ROBO2: variants seen among roughly 807,000 people sequenced by gnomAD.
The protein encoded by ROBO2 is roundabout guidance receptor 2.
A neutral mutation model predicts 160.8 loss-of-function variants in ROBO2; 53 were observed. The ratio of observed to expected loss-of-function variants is 0.33; its 90% CI spans 0.26 to 0.41. The LOEUF is 0.41. Ranked by LOEUF, ROBO2 falls within the 10% of genes least tolerant of loss-of-function variation. The pLI is 1.00. For missense variants in ROBO2, 1,577 were observed against 1,722.4 expected, an observed-to-expected ratio of 0.92 and a Z score of 1.49; for synonymous variants, 664 against 611.7, an observed-to-expected ratio of 1.09 and a Z score of -1.26.
intron 2 of ROBO2, among the ~76,000 whole-genome samples, chr3:76,000,529 C>G (rs1315937431): frequency 6.6e-6 from 1 of 150,878 alleles, no homozygotes; most frequent in East Asian, 2.0e-4. Flanking sequence ...CACTCTGTCC[C>G]CCAGGCTGGA....
intron 2 of ROBO2, among the ~76,000 whole-genome samples, chr3:76,752,489 A>G (rs1576423937): frequency 6.6e-6 from 1 of 151,996 alleles, no homozygotes; most frequent in East Asian, 1.9e-4. Context: ...CATGGCCAAG[A>G]CAGTCCTTTG....
chr3:76,936,401 T>A (rs933955048), intron 2 of ROBO2, among the ~76,000 whole-genome samples: 16 of 152,160 alleles, frequency 1.1e-4, no homozygotes, highest in Admixed American at 9.2e-4. Context: ...CTTTGAAAGA[T>A]GTTAATTCCA....
intron 2 of ROBO2, among the ~76,000 whole-genome samples, chr3:76,280,381 C>T (rs549717251): frequency 6.1e-4 from 93 of 152,066 alleles, no homozygotes; most frequent in African/African-American, 2.2e-3. Context: ...GTGGCCTTCT[C>T]AGAAGAGGAA....
At chr3:77,241,509 A>G (rs750290960) in intron 2 of ROBO2, among the ~76,000 whole-genome samples, 6 of 152,208 alleles carry the variant, frequency 3.9e-5, no homozygotes, top group Non-Finnish European at 5.9e-5. Flanking sequence ...TGATAACACT[A>G]TTGTCAATAA....
intron 2 of ROBO2, among the ~76,000 whole-genome samples, chr3:76,959,049 A>G (rs992639972): frequency 1.3e-5 from 2 of 152,166 alleles, no homozygotes; most frequent in Non-Finnish European, 2.9e-5. Flanking sequence ...GTTAGAACAC[A>G]ACATTTTTCA....
At chr3:75,930,230 C>G (rs982235043) in intron 1 of ROBO2, among the ~76,000 whole-genome samples, 4 of 152,036 alleles carry the variant, frequency 2.6e-5, no homozygotes, top group African/African-American at 9.7e-5. Context: ...AATATTCTGC[C>G]TCCTGGACAT....
Position 76,396,889 on chromosome 3 carries a change from C to T in ROBO2, c.109+459287C>T, listed in dbSNP as rs914673037. Among the ~76,000 whole-genome samples the T allele has an allele frequency of 3.9e-5, 6 of 152,212 alleles. No individual in the cohort carries two copies. The South Asian group carries it at 1.0e-3, about 26-fold the overall frequency. ...GGAAGAATCAATATTGTGGAAATGG[C>T]CATACTGCCCAAGGTAATTTATAGG... On this transcript the variant is annotated intron_variant, in intron 2 of 26. Coordinates refer to the ROBO2 transcript ENST00000487694.
chr3:76,420,760 G>C (rs1211901126), intron 2 of ROBO2, among the ~76,000 whole-genome samples: 1 of 152,072 alleles, frequency 6.6e-6, no homozygotes, highest in Non-Finnish European at 1.5e-5. Flanking sequence ...TTTCTCTCCA[G>C]TGGAATTTTA....
intron 2 of ROBO2, among the ~76,000 whole-genome samples, chr3:76,312,412 C>T (rs1297489989): frequency 6.6e-6 from 1 of 152,100 alleles, no homozygotes; most frequent in East Asian, 1.9e-4. Context: ...ACCCAAGCCC[C>T]ATCAGTCTGA....
chr3:76,291,142 G>A (rs1708782907), intron 2 of ROBO2, among the ~76,000 whole-genome samples: 2 of 152,068 alleles, frequency 1.3e-5, no homozygotes, highest in South Asian at 4.1e-4. Flanking sequence ...TATACAATGG[G>A]TAGAATCTGG....
chr3:76,188,523 T>G (rs1701865757), intron 2 of ROBO2, among the ~76,000 whole-genome samples: 1 of 152,044 alleles, frequency 6.6e-6, no homozygotes, highest in African/African-American at 2.4e-5. Context: ...ATGATGCTGC[T>G]GACACCTTGA....
At chr3:77,177,207 C>T (rs1368288120) in intron 2 of ROBO2, among the ~76,000 whole-genome samples, 1 of 151,948 alleles carries the variant, frequency 6.6e-6, no homozygotes, top group Admixed American at 6.6e-5. Context: ...AACAAAATTT[C>T]AAGTCCAAAA....
At chr3:77,199,272 T>C (rs62251822) in intron 2 of ROBO2, among the ~76,000 whole-genome samples, 5,827 of 152,324 alleles carry the variant, frequency 0.038, 148 homozygotes, top group African/African-American at 0.064. Flanking sequence ...CTTGGAGTTT[T>C]TATCTAACAA....
intron 2 of ROBO2, among the ~76,000 whole-genome samples, chr3:77,257,236 C>T (rs2058476744): frequency 6.6e-6 from 1 of 152,148 alleles, no homozygotes; most frequent in Non-Finnish European, 1.5e-5. Flanking sequence ...CAAAGCAAGC[C>T]GTATCAGGGA....
intron 2 of ROBO2, among the ~76,000 whole-genome samples, chr3:75,962,957 T>G (rs1241693592): frequency 1.3e-5 from 2 of 151,846 alleles, no homozygotes; most frequent in Non-Finnish European, 2.9e-5. Context: ...TCATTCCTTC[T>G]AAATCTGTCT....
chr3:76,216,835 A>C (rs1204720673), intron 2 of ROBO2, among the ~76,000 whole-genome samples: 1 of 152,206 alleles, frequency 6.6e-6, no homozygotes, highest in Non-Finnish European at 1.5e-5. Context: ...AGAACTCTCC[A>C]CCCAAAATCA....
intron 2 of ROBO2, among the ~76,000 whole-genome samples, chr3:76,838,332 T>G (rs896623237): frequency 3.9e-5 from 6 of 152,046 alleles, no homozygotes; most frequent in African/African-American, 1.4e-4. Flanking sequence ...AACCCACAGA[T>G]ATGAGTTTAC....
At chr3:77,302,490 A>G (rs993723847) in intron 2 of ROBO2, among the ~76,000 whole-genome samples, 3 of 152,140 alleles carry the variant, frequency 2.0e-5, no homozygotes, top group Admixed American at 1.3e-4. Flanking sequence ...CTAGCTCAGC[A>G]AATAAGATCA....
chr3:76,744,441 C>T (rs1005318855), intron 2 of ROBO2, among the ~76,000 whole-genome samples: 2 of 152,062 alleles, frequency 1.3e-5, no homozygotes, highest in Admixed American at 6.6e-5. Flanking sequence ...CTCACTACAG[C>T]CTCCACCTCC....
Sources: gnomAD v4.1 joint callset for allele counts (sites outside exome capture counted in the v4.1 genomes callset) on GRCh38, gnomAD v4.1.1 for gene constraint, MANE v1.5 for transcripts, NCBI Gene and HGNC (gene_info 2026-07-23, HGNC 2026-07-21) for gene names.